Variants in AFF3 observed in about 807,000 individuals in gnomAD.
AFF3 encodes the protein AF4/FMR2 family member 3.
Under a neutral mutation model 129.7 loss-of-function variants are expected in AFF3, and 32 were observed. The observed-to-expected ratio is 0.25, with a 90% CI of 0.19 to 0.33. The LOEUF is 0.33. Ranked by LOEUF, AFF3 falls within the 10% of genes least tolerant of loss-of-function variation. AFF3 has a pLI of 1.00. For missense variants in AFF3, 1,373 were observed against 1,592.0 expected, an observed-to-expected ratio of 0.86 and a Z score of 2.34; for synonymous variants, 644 against 635.4, an observed-to-expected ratio of 1.01 and a Z score of -0.20.
At chr2:100,019,536 T>A (rs1196006495) in intron 4 of AFF3, among the ~76,000 whole-genome samples, 1 of 152,152 alleles carries the variant, frequency 6.6e-6, no homozygotes, top group Non-Finnish European at 1.5e-5. Context: ...CTAATGTACC[T>A]GAGAGGAAAG....
chr2:99,971,481 A>T (rs967877521), intron 7 of AFF3, among the ~76,000 whole-genome samples: 15 of 152,180 alleles, frequency 9.9e-5, no homozygotes, highest in Non-Finnish European at 1.9e-4. Context: ...CTCCAGCCAA[A>T]ATTATTTCCA....
At chr2:99,948,984 C>G (rs1452189190) in intron 7 of AFF3, among the ~76,000 whole-genome samples, 2 of 152,098 alleles carry the variant, frequency 1.3e-5, no homozygotes, top group African/African-American at 4.8e-5. Context: ...TTTAAGTTGA[C>G]AATAATATTT....
intron 2 of AFF3, 22 bp from the exon 3 acceptor site, chr2:100,105,605 C>T: frequency 7.5e-7 from 1 of 1,336,020 alleles, no homozygotes; most frequent in Non-Finnish European, 9.9e-7. Context: ...ATAAGAGTAT[C>T]ATCGTGGCTC....
intron 12 of AFF3, among the ~76,000 whole-genome samples, chr2:99,655,852 G>A (rs1161766158): frequency 6.6e-6 from 1 of 152,196 alleles, no homozygotes; most frequent in East Asian, 1.9e-4. Context: ...TTATTGCAGT[G>A]ATGTGGGCAA....
chr2:99,558,789 G>A, intron 22 of AFF3, 86 bp downstream of exon 22: 1 of 1,328,426 alleles, frequency 7.5e-7, no homozygotes, highest in Admixed American at 1.9e-5. Context: ...TAACCCCAAA[G>A]CAATGGAGTC....
intron 7 of AFF3, among the ~76,000 whole-genome samples, chr2:99,867,179 T>C (rs1239315371): frequency 2.6e-5 from 4 of 152,042 alleles, no homozygotes; most frequent in African/African-American, 9.7e-5. Flanking sequence ...CTTCTCCCAC[T>C]ACTCATTTAA....
chr2:100,007,645 G>A, intron 5 of AFF3, 185 bp from the exon 6 acceptor site: 1 of 633,700 alleles, frequency 1.6e-6, no homozygotes, highest in Admixed American at 2.9e-5. Flanking sequence ...CACCAGAACA[G>A]GAAGCCTGTA....
intron 20 of AFF3, among the ~76,000 whole-genome samples, chr2:99,563,479 C>T (rs1025821170): frequency 5.3e-5 from 8 of 151,080 alleles, no homozygotes; most frequent in Admixed American, 1.3e-4. Flanking sequence ...CGTGAGCCAC[C>T]GCGCCCAGAA....
At chr2:99,934,179 T>A (rs149686921) in intron 7 of AFF3, among the ~76,000 whole-genome samples, 1 of 152,308 alleles carries the variant, frequency 6.6e-6, no homozygotes, top group East Asian at 1.9e-4. Context: ...AGGTCACTTC[T>A]TTCTGCCATG....
intron 7 of AFF3, among the ~76,000 whole-genome samples, chr2:99,933,240 G>C (rs917276079): frequency 3.9e-5 from 6 of 152,088 alleles, no homozygotes; most frequent in African/African-American, 1.4e-4. Flanking sequence ...CAAAGACTTG[G>C]GGATTACTTG....
chr2:99,859,155 A>G (rs1296634398), intron 7 of AFF3, among the ~76,000 whole-genome samples: 1 of 152,220 alleles, frequency 6.6e-6, no homozygotes, highest in Non-Finnish European at 1.5e-5. Flanking sequence ...CCCACATCAA[A>G]GCTAATGTTT....
intron 7 of AFF3, among the ~76,000 whole-genome samples, chr2:99,990,597 A>G (rs1267080584): frequency 6.6e-6 from 1 of 152,126 alleles, no homozygotes; most frequent in Non-Finnish European, 1.5e-5. Flanking sequence ...TGAGCTGAGG[A>G]AGAAAGAGGT....
chr2:99,649,962 T>C (rs922579535), intron 12 of AFF3, among the ~76,000 whole-genome samples: 3 of 152,184 alleles, frequency 2.0e-5, no homozygotes, highest in African/African-American at 7.2e-5. Flanking sequence ...CCTCTGGAAA[T>C]TGGCAAAGAC....
At chr2:99,695,962 C>CAAAAAA (rs1676212587) in intron 11 of AFF3, among the ~76,000 whole-genome samples, 1 of 90,068 alleles carries the variant, frequency 1.1e-5, no homozygotes, top group African/African-American at 5.1e-5. Context: ...AAAAAAAAAC[C>CAAAAAA]AAAAGAAAAA....
chr2:99,787,400 C>A (rs1043664587), intron 8 of AFF3, among the ~76,000 whole-genome samples: 1 of 152,162 alleles, frequency 6.6e-6, no homozygotes, highest in Non-Finnish European at 1.5e-5. Flanking sequence ...GGGTTCCACA[C>A]CTGCGCCGCC....
chr2:99,812,915 CA>C (rs1264832647), intron 8 of AFF3, among the ~76,000 whole-genome samples: 1 of 152,122 alleles, frequency 6.6e-6, no homozygotes, highest in Non-Finnish European at 1.5e-5. Context: ...GATGACTCTG[CA>C]TATCAATTCT....
intron 11 of AFF3, among the ~76,000 whole-genome samples, chr2:99,697,052 TACCCTG>T (rs1226252888): frequency 2.0e-5 from 3 of 152,210 alleles, no homozygotes; most frequent in Non-Finnish European, 4.4e-5. Flanking sequence ...GCCCTTGTCA[TACCCTG>T]AACGTTTTGA....
In AFF3 at chr2:100,105,572, GCAGGTGAT is replaced by G; in HGVS notation, c.-141_-134del. 2.3e-6 allele frequency: 3 copies of G among 1,332,984 alleles called. No homozygotes were observed. The highest frequency in any genetic ancestry group is 3.0e-6 in the Non-Finnish European group (3 of 1,005,526). 82.6% of individuals were successfully genotyped at this position (1,332,984 alleles called of 1,614,324 possible). On this transcript the variant is annotated 5_prime_UTR_variant, in exon 3 of 25. Transcript: ENST00000672756. ...TGCCGCCCGTCTCCGGTCTGGAAAG[GCAGGTGAT>G]CAGCTAGAAGGGTGATAAGAGTATC...
rs1218888113 is a variant in AFF3 at position 99,593,620 on chromosome 2, G to A, written c.2041C>T (p.Leu681=). 2.5e-6 allele frequency: 4 copies of A among 1,610,900 alleles called. No individual in the cohort carries two copies. The highest frequency in any genetic ancestry group is 1.7e-5 in the Admixed American group (1 of 59,860). ...GGGTACTCCTCCTGCTCGGACTCCA[G>A]GTCGGAGTCCGAGGAGGAGGATGAA... ...SSSSSSSDSD[L]ESEQEEYPLS... is the part of the protein sequence containing the mutation. The change falls in exon 15 of 25, where the codon CTG becomes TTG. Residue 681 remains leucine (L), a synonymous_variant. Transcript: ENST00000672756.
Sources: allele counts gnomAD v4.1 joint callset (sites outside exome capture counted in the v4.1 genomes callset), GRCh38; gene constraint gnomAD v4.1.1; transcripts MANE v1.5; gene names NCBI Gene and HGNC (gene_info 2026-07-23, HGNC 2026-07-21).